The following SLC22A25 variants were observed in gnomAD, a reference collection of about 807,000 sequenced individuals.
SLC22A25 encodes solute carrier family 22 member 25.
In SLC22A25, 44 loss-of-function variants were observed where a neutral mutation model predicts 45.9. That is an observed-to-expected ratio of 0.96 (90% CI 0.75 to 1.23). The LOEUF (loss-of-function observed/expected upper bound fraction) is 1.23, where lower values mean the gene tolerates loss of function less well. SLC22A25 is among the 50% of genes most tolerant of loss of function. The pLI, the probability that SLC22A25 is intolerant of heterozygous loss-of-function variation, is 0.00. For synonymous variants in SLC22A25, 283 were observed against 238.6 expected (o/e 1.19, Z -1.72); for missense variants, 800 against 666.4 (o/e 1.20, Z -2.21).
chr11:63,194,837 C>A (rs1452023807), intron 7 of SLC22A25, among the ~76,000 whole-genome samples: 5 of 134,138 alleles, frequency 3.7e-5, no homozygotes, highest in East Asian at 2.4e-4. Context: ...TGCAGAGACA[C>A]ACATAGGCTC....
At chr11:63,189,288 A>G (rs1281121585) in intron 7 of SLC22A25, among the ~76,000 whole-genome samples, 3 of 152,002 alleles carry the variant, frequency 2.0e-5, no homozygotes, top group Non-Finnish European at 2.9e-5. Context: ...TGACCCCTTT[A>G]CCATTATGTA....
At chr11:63,194,848 A>T (rs2134762390) in intron 7 of SLC22A25, among the ~76,000 whole-genome samples, 1 of 145,240 alleles carries the variant, frequency 6.9e-6, no homozygotes, top group South Asian at 2.3e-4. Flanking sequence ...ACATAGGCTC[A>T]AAATAAAGGG....
Position 63,162,057 on chromosome 11 carries a change from T to A in SLC22A25, c.*1767A>T, listed in dbSNP as rs1453608300. On this transcript the variant is annotated 3_prime_UTR_variant, in exon 12 of 12. Transcript: ENST00000306494. ...CACTTTTTCCTATGACTGTTTGACATCTGTATGTCTTCTTTTGAGAAATAC... is the reference window on the plus strand; with the variant it reads ...CACTTTTTCCTATGACTGTTTGACAACTGTATGTCTTCTTTTGAGAAATAC... 1.3e-5 allele frequency among the ~76,000 whole-genome samples: 2 copies of A among 152,246 alleles called. No homozygotes were observed. Among genetic ancestry groups the A allele is most frequent in the African/African-American group, 4.8e-5 (2 of 41,472 alleles).
intron 5 of SLC22A25, among the ~76,000 whole-genome samples, chr11:63,224,039 A>G (rs918310655): frequency 6.6e-6 from 1 of 152,072 alleles, no homozygotes; most frequent in East Asian, 1.9e-4. Context: ...GATCTGTTCA[A>G]TATTGAAAGT....
intron 3 of SLC22A25, among the ~76,000 whole-genome samples, chr11:63,230,632 C>A (rs1229528545): frequency 6.6e-6 from 1 of 152,078 alleles, no homozygotes; most frequent in Middle Eastern, 3.4e-3. Context: ...ATACAGTTCA[C>A]CCTTTTAAAA....
intron 3 of SLC22A25, among the ~76,000 whole-genome samples, chr11:63,236,885 C>T (rs536386539): frequency 3.3e-5 from 5 of 152,258 alleles, no homozygotes; most frequent in Admixed American, 6.5e-5. Flanking sequence ...AACTATCTAC[C>T]GGTTCCCCTG....
Position 63,243,419 on chromosome 11 carries a change from C to T in SLC22A25, c.-996+15G>A, listed in dbSNP as rs1241393957. Reference sequence around the variant, plus strand: ...GAAGTGTGAAGAAAAGGTTTTCCCTCTGGCCACGATTTACCTGGACTGTTT... The same window carrying T: ...GAAGTGTGAAGAAAAGGTTTTCCCTTTGGCCACGATTTACCTGGACTGTTT... On this transcript the variant is annotated intron_variant, in intron 1 of 11. Transcript: ENST00000306494. The T allele has an allele frequency of 1.4e-6, 1 of 733,180 alleles. No homozygotes were observed. Among genetic ancestry groups the T allele is most frequent in the Non-Finnish European group, 2.5e-6 (1 of 392,690 alleles). 45.4% of individuals were successfully genotyped at this position (733,180 alleles called of 1,614,324 possible).
In SLC22A25 at chr11:63,229,429, A is replaced by G; in HGVS notation, c.224T>C (p.Ile75Thr). The G allele has an allele frequency of 1.9e-6, 3 of 1,614,104 alleles. No homozygotes were observed. The highest frequency in any genetic ancestry group is 1.1e-5 in the South Asian group (1 of 91,074). ...GTLSQDALLR[I>T]SIPFDSNLRP... ...CAGATTTGAGTCGAATGGGATGGAG[A>G]TTCTCAGGAGGGCATCCTGGCTGAG... The change falls in exon 4 of 12, where the codon ATC becomes ACC. Residue 75 changes from isoleucine to threonine, a missense_variant. Physicochemically the swap from Ile to Thr is moderately conservative, Grantham distance 89. Transcript: ENST00000306494.
At chr11:63,226,578 TC>T (rs2089966315) in intron 5 of SLC22A25, among the ~76,000 whole-genome samples, 2 of 152,224 alleles carry the variant, frequency 1.3e-5, no homozygotes, top group African/African-American at 4.8e-5. Context: ...ACTAGGACTG[TC>T]CTGGGTCAGA....
Position 63,203,567 on chromosome 11 carries a change from G to A in SLC22A25, c.830+13747C>T, listed in dbSNP as rs539844836. Among the ~76,000 whole-genome samples, 5 of 151,800 alleles carry A rather than the reference G, an allele frequency of 3.3e-5. No individual in the cohort carries two copies. The South Asian group carries it at 8.3e-4, about 25-fold the overall frequency. Reference sequence around the variant, plus strand: ...AGAAGAAAGTATATCAGAGATTGAAGATCAACTTAATGAAATAAGGTGTGA... The same window carrying A: ...AGAAGAAAGTATATCAGAGATTGAAAATCAACTTAATGAAATAAGGTGTGA... On this transcript the variant is annotated intron_variant, in intron 7 of 11. Transcript: ENST00000306494.
At chr11:63,228,665 C>T (rs2090010581) in intron 4 of SLC22A25, 101 bp from the exon 5 acceptor site, 1 of 819,600 alleles carries the variant, frequency 1.2e-6, no homozygotes, top group African/African-American at 1.7e-5. Context: ...TATCTTCCTC[C>T]CTAGCTTCCC....
chr11:63,165,275 G>A lies in SLC22A25; in HGVS notation c.1286-641C>T, dbSNP rs553212770. ...ATCATAATTGCCTCATGTCATTGGA[G>A]TGGGTTCTGTTGCATTGCACCAGAC... On this transcript the variant is annotated intron_variant, in intron 10 of 11. Coordinates refer to ENST00000306494, the MANE Select transcript of SLC22A25 (RefSeq NM_199352.6). Among the ~76,000 whole-genome samples the A allele has an allele frequency of 1.3e-4, 19 of 147,234 alleles. 1 individual carries two copies. Among genetic ancestry groups the A allele is most frequent in the Admixed American group, 5.6e-4 (8 of 14,358 alleles).
chr11:63,197,444 T>A (rs2134769879), intron 7 of SLC22A25, among the ~76,000 whole-genome samples: 1 of 152,236 alleles, frequency 6.6e-6, no homozygotes, highest in South Asian at 2.1e-4. Flanking sequence ...TCCCCAGATA[T>A]AATACCACAC....
chr11:63,212,823 C>T (rs2089611182), intron 7 of SLC22A25, among the ~76,000 whole-genome samples: 1 of 151,738 alleles, frequency 6.6e-6, no homozygotes, highest in South Asian at 2.1e-4. Flanking sequence ...AAAAATTCTA[C>T]CATTTTTGAG....
chr11:63,221,377 A>C (rs1253428352), intron 5 of SLC22A25, among the ~76,000 whole-genome samples: 1 of 152,088 alleles, frequency 6.6e-6, no homozygotes, highest in African/African-American at 2.4e-5. Context: ...TCTGATGACC[A>C]ATGATGTTGA....
At chr11:63,196,042 G>A (rs1392286538) in intron 7 of SLC22A25, among the ~76,000 whole-genome samples, 1 of 152,094 alleles carries the variant, frequency 6.6e-6, no homozygotes, top group African/African-American at 2.4e-5. Context: ...ACCCTCCCAA[G>A]ACTAAACCAC....
intron 8 of SLC22A25, among the ~76,000 whole-genome samples, chr11:63,182,083 T>G (rs958706924): frequency 6.6e-6 from 1 of 152,076 alleles, no homozygotes; most frequent in Non-Finnish European, 1.5e-5. Flanking sequence ...GTCTGTCAGA[T>G]GGAGGTTGAA....
At chr11:63,236,036 G>C (rs2090156580) in intron 3 of SLC22A25, among the ~76,000 whole-genome samples, 1 of 152,148 alleles carries the variant, frequency 6.6e-6, no homozygotes, top group African/African-American at 2.4e-5. Flanking sequence ...AGCTGTGTGA[G>C]GTGTCAGTCC....
intron 3 of SLC22A25, among the ~76,000 whole-genome samples, chr11:63,233,708 G>C (rs928182674): frequency 9.9e-5 from 15 of 151,996 alleles, no homozygotes; most frequent in Admixed American, 9.8e-4. Flanking sequence ...TGCTTCTCTA[G>C]TTCTTTTAAT....
Sources: allele counts gnomAD v4.1 joint callset (sites outside exome capture counted in the v4.1 genomes callset), GRCh38; gene constraint gnomAD v4.1.1; transcripts MANE v1.5; gene names NCBI Gene and HGNC (gene_info 2026-07-23, HGNC 2026-07-21).